Variants in SNRPC observed in about 807,000 individuals in gnomAD.
The protein encoded by SNRPC is small nuclear ribonucleoprotein polypeptide C.
A neutral mutation model predicts 20.0 loss-of-function variants in SNRPC; 5 were observed. The observed-to-expected ratio is 0.25, with a 90% CI of 0.13 to 0.53. The LOEUF is 0.53. SNRPC is among the 20% of genes least tolerant of loss of function. The pLI, the probability that SNRPC is intolerant of heterozygous loss-of-function variation, is 0.96. For missense variants in SNRPC, 112 were observed against 224.1 expected, an observed-to-expected ratio of 0.50 and a Z score of 3.19; for synonymous variants, 61 against 58.7, an observed-to-expected ratio of 1.04 and a Z score of -0.18.
intron 5 of SNRPC, chr6:34,772,787 C>G (rs1332801924): frequency 6.6e-6 from 1 of 152,216 alleles, no homozygotes; most frequent in Admixed American, 6.6e-5. Context: ...CCTCCCCTCC[C>G]TGGCTCATTT....
rs889905517 is a variant in SNRPC at position 34,764,786 on chromosome 6, C to T, written c.160+2083C>T. ...CCTGTAATCCCAGCACTTTGGGAGGCCGAGGTGGGTGGATCACCTGAGATC... is the reference window on the plus strand; with the variant it reads ...CCTGTAATCCCAGCACTTTGGGAGGTCGAGGTGGGTGGATCACCTGAGATC... On this transcript the variant is annotated intron_variant, in intron 3 of 5. Coordinates refer to ENST00000244520, the MANE Select transcript of SNRPC (RefSeq NM_003093.3). 9.9e-5 allele frequency among the ~76,000 whole-genome samples: 15 copies of T among 152,206 alleles called. No individual in the cohort carries two copies. The East Asian group carries it at 2.9e-3, about 29-fold the overall frequency.
In SNRPC at chr6:34,770,367, T is replaced by C. The variant is rs747629579; in HGVS notation, c.327T>C (p.Pro109=). ...GPPMMPMMGP[P]PPGMMPVGPA... Reference sequence around the variant, plus strand: ...CCATGATGCCAATGATGGGCCCTCCTCCTCCTGGGATGATGCCAGTGGGAC... The same window carrying C: ...CCATGATGCCAATGATGGGCCCTCCCCCTCCTGGGATGATGCCAGTGGGAC... Residue 109 remains proline, a synonymous_variant, in exon 5 of 6, where the codon CCT becomes CCC. Coordinates refer to ENST00000244520, the MANE Select transcript of SNRPC (RefSeq NM_003093.3). The C allele has an allele frequency of 6.2e-7, 1 of 1,612,236 alleles. No individual in the cohort carries two copies. Among genetic ancestry groups the C allele is most frequent in the Non-Finnish European group, 8.5e-7 (1 of 1,178,256 alleles).
Position 34,773,141 on chromosome 6 carries a change from A to G in SNRPC, c.356-305A>G. Reference sequence around the variant, plus strand: ...TTTCCCTGAGTGAGAAAAAAAGGTCAGTTTAGGGAACTAGTGTCCCTGGCG... The same window carrying G: ...TTTCCCTGAGTGAGAAAAAAAGGTCGGTTTAGGGAACTAGTGTCCCTGGCG... On this transcript the variant is annotated intron_variant, in intron 5 of 5. Coordinates refer to ENST00000244520, the MANE Select transcript of SNRPC (RefSeq NM_003093.3). This position sits in a 1 kb window ranked among gnomAD's most constrained non-coding sequence, Gnocchi z 4.1. 3.9e-6 allele frequency: 1 copy of G among 258,542 alleles called. No individual in the cohort carries two copies. Among genetic ancestry groups the G allele is most frequent in the South Asian group, 6.2e-5 (1 of 16,212 alleles). 16.0% of individuals were successfully genotyped at this position (258,542 alleles called of 1,614,324 possible).
Position 34,759,037 on chromosome 6 carries a change from A to G in SNRPC, c.51+1083A>G, listed in dbSNP as rs201199729. Among the ~76,000 whole-genome samples the G allele has an allele frequency of 3.9e-4, 58 of 148,222 alleles. No individual in the cohort carries two copies. The East Asian group carries it at 7.6e-3, about 19-fold the overall frequency. On this transcript the variant is annotated intron_variant, in intron 2 of 5. Transcript: ENST00000244520. ...TCCGTCTCAAAAAAAAAAAAAAAAA[A>G]AAAAAAAAGAAAAGAAAACCCACGT...
chr6:34,758,936 C>T (rs1198751031), intron 2 of SNRPC, among the ~76,000 whole-genome samples: 1 of 143,402 alleles, frequency 7.0e-6, no homozygotes, highest in Non-Finnish European at 1.5e-5. Flanking sequence ...AGGAGAATGG[C>T]GTGAACCTCG....
intron 5 of SNRPC, among the ~76,000 whole-genome samples, chr6:34,772,482 C>A (rs1386659752): frequency 6.6e-6 from 1 of 152,112 alleles, no homozygotes; most frequent in Non-Finnish European, 1.5e-5. Flanking sequence ...GTCTTAAATT[C>A]TGTACCTGTT....
In SNRPC at chr6:34,767,908, C is replaced by G; in HGVS notation, c.161C>G (p.Thr54Arg). 1 of 1,574,456 alleles carries G rather than the reference C, an allele frequency of 6.4e-7. No homozygotes were observed. The change falls in exon 4 of 6, where the codon ACG (threonine) becomes AGG (arginine). Residue 54 changes from threonine (T) to arginine (R), a missense_variant and splice_region_variant. Physicochemically the swap from Thr to Arg is moderately conservative, Grantham distance 71 (BLOSUM62 -1). Around this residue, in one of 3 missense-constraint regions of SNRPC, gnomAD observed 45 missense variants for 48.6 expected, o/e 0.93. Transcript: ENST00000244520. The part of the protein sequence containing the change: ...EQAQSLIDKT[T>R]AAFQQGKIPP... ...TTTTTTTTTTCCTCACCCTCCAAAG[C>G]GGCTGCATTTCAACAAGGAAAGATA...
At chr6:34,768,055 GT>G in intron 4 of SNRPC, 58 bp downstream of exon 4, 1 of 1,500,916 alleles carries the variant, frequency 6.7e-7, no homozygotes, top group Non-Finnish European at 9.1e-7. Context: ...CTTTGATTAG[GT>G]TAGATTATCT....
chr6:34,770,516 C>T (rs965515173), intron 5 of SNRPC, 121 bp downstream of exon 5: 1 of 642,398 alleles, frequency 1.6e-6, no homozygotes, highest in East Asian at 2.7e-5. Context: ...GAGTTGTGCT[C>T]CACCTCTGAG....
intron 1 of SNRPC, 151 bp from the exon 2 acceptor site, chr6:34,757,761 A>G (rs1764473165): frequency 2.6e-6 from 4 of 1,566,490 alleles, no homozygotes; most frequent in Non-Finnish European, 3.5e-6. Context: ...AGCCTGGTTT[A>G]TGTGTCGACG....
intron 5 of SNRPC, among the ~76,000 whole-genome samples, chr6:34,770,998 C>T (rs914220573): frequency 1.3e-5 from 2 of 152,120 alleles, no homozygotes; most frequent in African/African-American, 4.8e-5. Context: ...CATTAATTTG[C>T]AAATCTTTCT....
At chr6:34,763,843 A>C (rs906914219) in intron 3 of SNRPC, among the ~76,000 whole-genome samples, 2 of 150,106 alleles carry the variant, frequency 1.3e-5, no homozygotes, top group African/African-American at 4.9e-5. Flanking sequence ...CAGCCTCCCG[A>C]GTAGCTGGGA....
At chr6:34,765,746 A>G (rs1457171242) in intron 3 of SNRPC, among the ~76,000 whole-genome samples, 1 of 148,016 alleles carries the variant, frequency 6.8e-6, no homozygotes, top group Non-Finnish European at 1.5e-5. Context: ...CCCAGTCACA[A>G]TTTTTTTTTT....
Position 34,767,899 on chromosome 6 carries a change from C to CATCAT in SNRPC, c.161-9_161-8insATCAT. 6.6e-7 allele frequency: 1 copy of CATCAT among 1,508,690 alleles called. No individual in the cohort carries two copies. Among genetic ancestry groups the CATCAT allele is most frequent in the South Asian group, 1.3e-5 (1 of 76,448 alleles). 93.5% of individuals were successfully genotyped at this position (1,508,690 alleles called of 1,614,324 possible). A position where few individuals can be genotyped will look rare whatever the true frequency, so the allele number is the denominator to read the frequency against. ...TCTTTTTTTTTTTTTTTTTCCTCAC[C>CATCAT]CTCCAAAGCGGCTGCATTTCAACAA... On this transcript the variant is annotated splice_polypyrimidine_tract_variant and intron_variant, in intron 3 of 5. Transcript: ENST00000244520.
At chr6:34,764,489 A>AG (rs1764587914) in intron 3 of SNRPC, among the ~76,000 whole-genome samples, 1 of 150,396 alleles carries the variant, frequency 6.6e-6, no homozygotes, top group Admixed American at 6.6e-5. Flanking sequence ...AAACAAACAA[A>AG]AAAAAACAAC....
At position 34,767,196 on chromosome 6, in the gene SNRPC, G is replaced by A. The variant is rs114330120; in HGVS notation, c.161-712G>A. 4.6e-3 allele frequency among the ~76,000 whole-genome samples: 699 copies of A among 152,310 alleles called. 3 individuals carry two copies. The highest frequency in any genetic ancestry group is 0.015 in the African/African-American group (633 of 41,572). ...ATTTTGACCTAGGACAGCATACATAGGAAGGATAGAAATTTTATAAAGCCT... is the reference window on the plus strand; with the variant it reads ...ATTTTGACCTAGGACAGCATACATAAGAAGGATAGAAATTTTATAAAGCCT... On this transcript the variant is annotated intron_variant, in intron 3 of 5. Transcript: ENST00000244520.
chr6:34,760,337 C>T (rs1241182608), intron 2 of SNRPC, among the ~76,000 whole-genome samples: 1 of 151,964 alleles, frequency 6.6e-6, no homozygotes, highest in East Asian at 1.9e-4. Context: ...CCGCCTCAGC[C>T]TCCCAAAGTG....
intron 2 of SNRPC, among the ~76,000 whole-genome samples, chr6:34,761,799 G>T (rs956137542): frequency 1.3e-5 from 2 of 151,858 alleles, no homozygotes; most frequent in African/African-American, 4.8e-5. Context: ...TTGAGCTACT[G>T]CGCCCAGCCA....
chr6:34,764,993 C>T (rs1351236713), intron 3 of SNRPC, among the ~76,000 whole-genome samples: 1 of 152,090 alleles, frequency 6.6e-6, no homozygotes, highest in Non-Finnish European at 1.5e-5. Flanking sequence ...TGCATTCCAG[C>T]CTGGGCAACA....
Sources: gnomAD v4.1 joint callset for allele counts (sites outside exome capture counted in the v4.1 genomes callset) on GRCh38, gnomAD v4.1.1 for gene constraint, gnomAD v4.1.1 regional missense constraint, Gnocchi (gnomAD v3.1) non-coding constraint, MANE v1.5 for transcripts, NCBI Gene and HGNC (gene_info 2026-07-23, HGNC 2026-07-21) for gene names.